The following DNAJC6 variants were observed in gnomAD, a reference collection of about 807,000 sequenced individuals.
DNAJC6 encodes auxilin.
In DNAJC6, 34 loss-of-function variants were observed where a neutral mutation model predicts 110.0. The ratio of observed to expected loss-of-function variants is 0.31; its 90% CI spans 0.24 to 0.41. The LOEUF is 0.41. Among genes scored for constraint, DNAJC6 ranks in the 10% least tolerant of loss-of-function variants. The pLI is 1.00. For synonymous variants in DNAJC6, 406 were observed against 437.2 expected (o/e 0.93, Z 0.89); for missense variants, 1,031 against 1,207.8 (o/e 0.85, Z 2.17).
intron 1 of DNAJC6, among the ~76,000 whole-genome samples, chr1:65,312,668 T>G (rs911003796): frequency 1.3e-5 from 2 of 152,260 alleles, no homozygotes; most frequent in Non-Finnish European, 2.9e-5. Flanking sequence ...CTGTTTATAA[T>G]AGAACACTTG....
At chr1:65,321,146 A>G (rs908259530) in intron 1 of DNAJC6, among the ~76,000 whole-genome samples, 1 of 152,194 alleles carries the variant, frequency 6.6e-6, no homozygotes, top group African/African-American at 2.4e-5. Flanking sequence ...TTTCTACATC[A>G]TAGACAAGGT....
chr1:65,382,411 T>G (rs1167106984), intron 5 of DNAJC6, among the ~76,000 whole-genome samples: 1 of 152,212 alleles, frequency 6.6e-6, no homozygotes, highest in Non-Finnish European at 1.5e-5. Context: ...GTTATTCATT[T>G]TAATCAACAA....
intron 4 of DNAJC6, among the ~76,000 whole-genome samples, chr1:65,377,735 A>G (rs1283155459): frequency 6.6e-6 from 1 of 152,216 alleles, no homozygotes; most frequent in Non-Finnish European, 1.5e-5. Context: ...CCAAGAGCAC[A>G]GATAATTTCC....
chr1:65,279,125 A>G, intron 1 of DNAJC6: 2 of 985,446 alleles, frequency 2.0e-6, no homozygotes, highest in Non-Finnish European at 2.4e-6. Flanking sequence ...AGCACAAGGT[A>G]TGTTTGATCC....
chr1:65,280,919 A>G (rs1215790083), intron 1 of DNAJC6, among the ~76,000 whole-genome samples: 1 of 152,144 alleles, frequency 6.6e-6, no homozygotes, highest in Non-Finnish European at 1.5e-5. Flanking sequence ...GCTAAAAAAA[A>G]TTAAGTTTCA....
chr1:65,386,235 T>G (rs1452291241), intron 7 of DNAJC6, among the ~76,000 whole-genome samples: 1 of 152,174 alleles, frequency 6.6e-6, no homozygotes, highest in Non-Finnish European at 1.5e-5. Flanking sequence ...GAATCACTGA[T>G]GAATGAGGTT....
At chr1:65,284,294 A>G (rs1452787241) in intron 1 of DNAJC6, among the ~76,000 whole-genome samples, 2 of 152,058 alleles carry the variant, frequency 1.3e-5, no homozygotes, top group Non-Finnish European at 2.9e-5. Context: ...GCCCCTCAGC[A>G]TCTCCTTTCT....
chr1:65,296,556 T>G (rs1230186808), intron 1 of DNAJC6, among the ~76,000 whole-genome samples: 1 of 150,524 alleles, frequency 6.6e-6, no homozygotes, highest in Non-Finnish European at 1.5e-5. Flanking sequence ...CTCTGCCCAG[T>G]GGCAGTAGTT....
intron 1 of DNAJC6, among the ~76,000 whole-genome samples, chr1:65,269,709 A>G (rs965997849): frequency 3.3e-5 from 5 of 152,154 alleles, no homozygotes. Context: ...TGACTTCTCA[A>G]AGCTTCAGGG....
chr1:65,411,572 A>T, intron 18 of DNAJC6, 146 bp downstream of exon 18: 1 of 737,520 alleles, frequency 1.4e-6, no homozygotes, highest in Non-Finnish European at 2.2e-6. Flanking sequence ...ATTTAAACAA[A>T]TAGTTATACT....
intron 1 of DNAJC6, among the ~76,000 whole-genome samples, chr1:65,280,919 A>AT (rs1270342727): frequency 6.6e-6 from 1 of 152,144 alleles, no homozygotes; most frequent in East Asian, 1.9e-4. Flanking sequence ...GCTAAAAAAA[A>AT]TTAAGTTTCA....
chr1:65,411,218 T>C (rs1035329875), intron 17 of DNAJC6, 32 bp from the exon 18 acceptor site: 10 of 1,596,520 alleles, frequency 6.3e-6, no homozygotes, highest in African/African-American at 1.3e-5. Context: ...TAAGTAAGCA[T>C]TTGAATTTCT....
At chr1:65,268,932 A>C (rs1161992034) in intron 1 of DNAJC6, among the ~76,000 whole-genome samples, 1 of 152,182 alleles carries the variant, frequency 6.6e-6, no homozygotes, top group Non-Finnish European at 1.5e-5. Flanking sequence ...AATTTGGGTG[A>C]ATTTTTTTTT....
chr1:65,306,904 G>T (rs1348727513), upstream of DNAJC6, among the ~76,000 whole-genome samples: 1 of 151,324 alleles, frequency 6.6e-6, no homozygotes, highest in African/African-American at 2.4e-5. Flanking sequence ...GCTTAAAGCT[G>T]CACCCAAGAC....
At chr1:65,335,413 C>G (rs537836564) in intron 1 of DNAJC6, among the ~76,000 whole-genome samples, 2 of 151,924 alleles carry the variant, frequency 1.3e-5, no homozygotes. Context: ...CAGGCCCAGC[C>G]TATGTCTGTC....
intron 6 of DNAJC6, among the ~76,000 whole-genome samples, chr1:65,384,605 G>A (rs1224840091): frequency 2.0e-5 from 3 of 152,166 alleles, no homozygotes; most frequent in Admixed American, 6.5e-5. Flanking sequence ...GGGGAAGAGA[G>A]CGTGTGCAGG....
chr1:65,380,911 G>GTTTTTTTTTTTTTTTTTTTT lies in DNAJC6; in HGVS notation c.666+1391_666+1392insTTTTTTTTTTTTTTTTTTTT, dbSNP rs1312055301. 1.0e-3 allele frequency among the ~76,000 whole-genome samples: 119 copies of GTTTTTTTTTTTTTTTTTTTT among 114,886 alleles called. 24 individuals carry two copies. Among genetic ancestry groups the GTTTTTTTTTTTTTTTTTTTT allele is most frequent in the African/African-American group, 4.7e-3 (109 of 23,286 alleles). 75.4% of individuals were successfully genotyped at this position (114,886 alleles called of 152,430 possible). On this transcript the variant is annotated intron_variant, in intron 5 of 18. Transcript: ENST00000371069. Reference sequence around the variant, plus strand: ...GGGAGTTTTTTTTTTTTTGTTTTTTGTTTTGTTTTGTTTTTTTTTTTTTTT... The same window carrying GTTTTTTTTTTTTTTTTTTTT: ...GGGAGTTTTTTTTTTTTTGTTTTTTGTTTTTTTTTTTTTTTTTTTTTTTTGTTTTGTTTTTTTTTTTTTTT...
intron 1 of DNAJC6, among the ~76,000 whole-genome samples, chr1:65,300,894 A>G (rs1644972686): frequency 6.6e-6 from 1 of 152,142 alleles, no homozygotes; most frequent in Non-Finnish European, 1.5e-5. Context: ...CAAGTTCTAC[A>G]TCCTCTATGG....
At chr1:65,315,297 T>A (rs932934209) in intron 1 of DNAJC6, among the ~76,000 whole-genome samples, 4 of 150,758 alleles carry the variant, frequency 2.7e-5, no homozygotes, top group Non-Finnish European at 5.9e-5. Flanking sequence ...TTTTTTTTTT[T>A]ATTATTTTGC....
Sources: allele counts gnomAD v4.1 joint callset (sites outside exome capture counted in the v4.1 genomes callset), GRCh38; gene constraint gnomAD v4.1.1; transcripts MANE v1.5; gene names NCBI Gene and HGNC (gene_info 2026-07-23, HGNC 2026-07-21).